PSD3: variants seen among roughly 807,000 people sequenced by gnomAD.
The protein encoded by PSD3 is pleckstrin and Sec7 domain containing 3.
PSD3 carries 49 observed loss-of-function variants against 105.5 expected under a neutral mutation model. The ratio of observed to expected loss-of-function variants is 0.46; its 90% CI spans 0.37 to 0.59. The LOEUF (loss-of-function observed/expected upper bound fraction) is 0.59, where lower values mean the gene tolerates loss of function less well. PSD3 is among the 20% of genes least tolerant of loss of function. The probability of loss-of-function intolerance (pLI) is 0.00; values close to 1 mark genes in which losing one functional copy is unlikely to be tolerated. For missense variants in PSD3, 1,561 were observed against 1,263.8 expected, an observed-to-expected ratio of 1.24 and a Z score of -3.57; for synonymous variants, 557 against 457.8, an observed-to-expected ratio of 1.22 and a Z score of -2.77.
chr8:18,776,164 G>A lies in PSD3; in HGVS notation c.2083-10626C>T, dbSNP rs566523598. On this transcript the variant is annotated intron_variant, in intron 8 of 15. Coordinates refer to ENST00000327040, the MANE Select transcript of PSD3 (RefSeq NM_015310.4). Reference sequence around the variant, plus strand: ...AAAACTAAGTTGGCTATAAATGCATGGATTTCTAGGTTTCTCTATTCTGTT... The same window carrying A: ...AAAACTAAGTTGGCTATAAATGCATAGATTTCTAGGTTTCTCTATTCTGTT... Among the ~76,000 whole-genome samples the A allele has an allele frequency of 1.2e-4, 18 of 151,230 alleles. No individual in the cohort carries two copies. The South Asian group carries it at 3.5e-3, about 30-fold the overall frequency.
chr8:18,843,650 T>C (rs570774977), intron 4 of PSD3, among the ~76,000 whole-genome samples: 2 of 152,126 alleles, frequency 1.3e-5, no homozygotes, highest in African/African-American at 2.4e-5. Context: ...AATAGAGAAG[T>C]AGAGAAGTAA....
At chr8:18,681,564 C>T (rs931405462) in intron 9 of PSD3, among the ~76,000 whole-genome samples, 6 of 149,044 alleles carry the variant, frequency 4.0e-5, no homozygotes, top group Non-Finnish European at 7.4e-5. Context: ...TGGAGGAAAA[C>T]GTGTAACTGT....
At chr8:18,612,363 C>T (rs1383302100) in intron 11 of PSD3, among the ~76,000 whole-genome samples, 3 of 146,262 alleles carry the variant, frequency 2.1e-5, no homozygotes, top group East Asian at 2.0e-4. Context: ...ACCGCTTTAA[C>T]GTTACTGATG....
At chr8:18,802,372 GA>G (rs3837206) in intron 6 of PSD3, 203,827 of 402,940 alleles carry the variant, frequency 0.51, 50,802 homozygotes, top group East Asian at 0.72. Flanking sequence ...AGATGGGAAG[GA>G]AAAAAAAAAT....
chr8:18,709,383 T>A (rs190807256), intron 9 of PSD3, among the ~76,000 whole-genome samples: 34 of 152,330 alleles, frequency 2.2e-4, no homozygotes, highest in East Asian at 1.9e-4. Flanking sequence ...GCGGCCACTG[T>A]CTCTGGTTCA....
At chr8:18,580,873 G>A (rs1183029273) in intron 12 of PSD3, among the ~76,000 whole-genome samples, 1 of 152,174 alleles carries the variant, frequency 6.6e-6, no homozygotes, top group Non-Finnish European at 1.5e-5. Context: ...GTAATTCACT[G>A]CCATGCACTA....
intron 9 of PSD3, among the ~76,000 whole-genome samples, chr8:18,680,352 T>C (rs1800312991): frequency 6.6e-6 from 1 of 152,184 alleles, no homozygotes; most frequent in African/African-American, 2.4e-5. Context: ...TGTTTCTAAA[T>C]TAGAAATCAA....
At chr8:18,815,427 G>C (rs1256506522) in intron 4 of PSD3, among the ~76,000 whole-genome samples, 1 of 152,104 alleles carries the variant, frequency 6.6e-6, no homozygotes, top group African/African-American at 2.4e-5. Flanking sequence ...TCCTGCCTCA[G>C]ACTCCCGAGT....
chr8:18,904,637 TA>T (rs1483003084), intron 2 of PSD3, among the ~76,000 whole-genome samples: 1 of 152,156 alleles, frequency 6.6e-6, no homozygotes, highest in Admixed American at 6.5e-5. Context: ...CAAAACAAAA[TA>T]AAAATTTTAA....
At chr8:18,677,662 T>C (rs1800134277) in intron 9 of PSD3, among the ~76,000 whole-genome samples, 2 of 152,310 alleles carry the variant, frequency 1.3e-5, no homozygotes, top group South Asian at 4.1e-4. Context: ...ACTACGTCCC[T>C]GAAGAAGTCA....
At chr8:18,568,313 CCT>C (rs3988323) in intron 14 of PSD3, among the ~76,000 whole-genome samples, 56,568 of 151,932 alleles carry the variant, frequency 0.37, 10,528 homozygotes, top group East Asian at 0.51. Context: ...CAACATTCTC[CCT>C]GTTTGTATTA....
chr8:18,985,077 G>A (rs1387203701), intron 1 of PSD3, among the ~76,000 whole-genome samples: 1 of 152,132 alleles, frequency 6.6e-6, no homozygotes, highest in African/African-American at 2.4e-5. Flanking sequence ...GGGATTGCAG[G>A]TGCCCGCCAC....
chr8:19,020,136 A>T (rs2129475835), intron 1 of PSD3, among the ~76,000 whole-genome samples: 1 of 152,340 alleles, frequency 6.6e-6, no homozygotes, highest in Middle Eastern at 3.4e-3. Flanking sequence ...GGTATAGTTT[A>T]CTGACTCTAG....
intron 10 of PSD3, among the ~76,000 whole-genome samples, chr8:18,652,251 A>G (rs28609954): frequency 0.033 from 5,043 of 151,986 alleles, 163 homozygotes; most frequent in East Asian, 0.085. Flanking sequence ...TCAGAGCTGT[A>G]TATATATATA....
chr8:18,842,828 G>C (rs1013547869), intron 4 of PSD3, among the ~76,000 whole-genome samples: 10 of 152,170 alleles, frequency 6.6e-5, no homozygotes, highest in Non-Finnish European at 1.3e-4. Context: ...ACATCTATCA[G>C]GGATGAATGC....
At chr8:18,538,064 G>C (rs1399521578) in intron 15 of PSD3, among the ~76,000 whole-genome samples, 1 of 152,214 alleles carries the variant, frequency 6.6e-6, no homozygotes, top group Non-Finnish European at 1.5e-5. Context: ...TGAGGAAATA[G>C]GACAACATGC....
At chr8:19,035,633 C>T (rs1447252692) in intron 1 of PSD3, among the ~76,000 whole-genome samples, 1 of 152,138 alleles carries the variant, frequency 6.6e-6, no homozygotes, top group Non-Finnish European at 1.5e-5. Flanking sequence ...CCTACAACCT[C>T]AGCCTCCCAA....
At chr8:18,745,584 C>G (rs1804945248) in intron 9 of PSD3, among the ~76,000 whole-genome samples, 1 of 152,200 alleles carries the variant, frequency 6.6e-6, no homozygotes, top group African/African-American at 2.4e-5. Context: ...GGACTACAAC[C>G]AACCAATTCT....
chr8:18,960,232 T>G (rs546866057), intron 1 of PSD3, among the ~76,000 whole-genome samples: 3 of 152,306 alleles, frequency 2.0e-5, no homozygotes, highest in South Asian at 2.1e-4. Flanking sequence ...ATATGAATTT[T>G]GAAAAATTAT....
Sources: gnomAD v4.1 joint callset for allele counts (sites outside exome capture counted in the v4.1 genomes callset) on GRCh38, gnomAD v4.1.1 for gene constraint, MANE v1.5 for transcripts, NCBI Gene and HGNC (gene_info 2026-07-23, HGNC 2026-07-21) for gene names.